Variants in C19orf47 observed in about 807,000 individuals in gnomAD.
C19orf47 encodes the protein uncharacterized protein C19orf47.
C19orf47 carries 18 observed loss-of-function variants against 32.3 expected under a neutral mutation model. The ratio of observed to expected loss-of-function variants is 0.56; its 90% CI spans 0.39 to 0.83. The LOEUF (loss-of-function observed/expected upper bound fraction) is 0.83. Among genes scored for constraint, C19orf47 ranks in the 40% least tolerant of loss-of-function variants. The pLI, the probability that C19orf47 is intolerant of heterozygous loss-of-function variation, is 0.00. For missense variants in C19orf47, 484 were observed against 531.6 expected, an observed-to-expected ratio of 0.91 and a Z score of 0.88; for synonymous variants, 202 against 211.1, an observed-to-expected ratio of 0.96 and a Z score of 0.37.
At chr19:40,348,053 A>C (rs2078357306) in intron 1 of C19orf47, among the ~76,000 whole-genome samples, 1 of 152,142 alleles carries the variant, frequency 6.6e-6, no homozygotes, top group Admixed American at 6.6e-5. Context: ...ATCAATACTA[A>C]TAATAATAGT....
intron 1 of C19orf47, among the ~76,000 whole-genome samples, chr19:40,347,374 C>CA (rs1248390249): frequency 2.0e-5 from 3 of 151,378 alleles, no homozygotes; most frequent in Non-Finnish European, 4.4e-5. Flanking sequence ...TACTAAAATA[C>CA]AAAAAAAATT....
chr19:40,342,656 G>A (rs1203014543), intron 1 of C19orf47, among the ~76,000 whole-genome samples: 2 of 152,184 alleles, frequency 1.3e-5, no homozygotes, highest in Non-Finnish European at 2.9e-5. Flanking sequence ...ACCTGGGAAG[G>A]GAGGGGTTGT....
At chr19:40,327,186 G>A (rs973399394) in intron 6 of C19orf47, among the ~76,000 whole-genome samples, 1 of 150,414 alleles carries the variant, frequency 6.6e-6, no homozygotes, top group Non-Finnish European at 1.5e-5. Flanking sequence ...GCTAATTTTT[G>A]TATTTTTGGT....
At chr19:40,296,196 A>G in the C19orf47 span, among the ~76,000 whole-genome samples, 2 of 152,264 alleles carry the variant, frequency 1.3e-5, no homozygotes, top group Non-Finnish European at 2.9e-5. Flanking sequence ...TACCTAGGCT[A>G]TAAGTTATAG....
chr19:40,335,317 T>C (rs2145581956), intron 4 of C19orf47, among the ~76,000 whole-genome samples: 1 of 152,338 alleles, frequency 6.6e-6, no homozygotes, highest in East Asian at 1.9e-4. Context: ...GGTTGCCATC[T>C]GGGTCCCACA....
chr19:40,305,699 CAT>C, the C19orf47 span, among the ~76,000 whole-genome samples: 1 of 152,082 alleles, frequency 6.6e-6, no homozygotes. Flanking sequence ...ATAAATGTAA[CAT>C]GTGATCCTGA....
At chr19:40,307,334 A>G in the C19orf47 span, among the ~76,000 whole-genome samples, 1 of 151,790 alleles carries the variant, frequency 6.6e-6, no homozygotes, top group African/African-American at 2.4e-5. Flanking sequence ...TTTTGAAGTG[A>G]TCCACCCACC....
downstream of C19orf47, among the ~76,000 whole-genome samples, chr19:40,316,953 T>C (rs1006721396): frequency 4.7e-5 from 6 of 127,104 alleles, no homozygotes; most frequent in African/African-American, 1.5e-4. Context: ...CTGCTGTGTG[T>C]GTGTGTGTGT....
the C19orf47 span, among the ~76,000 whole-genome samples, chr19:40,299,243 TA>T: frequency 6.6e-6 from 1 of 152,128 alleles, no homozygotes; most frequent in Non-Finnish European, 1.5e-5. Flanking sequence ...CAAAGCCTTT[TA>T]ATAATTACCC....
At chr19:40,294,828 C>G in the C19orf47 span, among the ~76,000 whole-genome samples, 1 of 152,228 alleles carries the variant, frequency 6.6e-6, no homozygotes, top group South Asian at 2.1e-4. Context: ...CGTGCCAGCT[C>G]TCAGGAGAGT....
downstream of C19orf47, among the ~76,000 whole-genome samples, chr19:40,316,726 C>T (rs953863530): frequency 6.6e-6 from 1 of 152,180 alleles, no homozygotes; most frequent in Non-Finnish European, 1.5e-5. Context: ...GCAACGGACT[C>T]ATCACCAGTA....
chr19:40,324,081 G>T lies in C19orf47; in HGVS notation c.593-5C>A. On this transcript the variant is annotated splice_region_variant and splice_polypyrimidine_tract_variant and intron_variant, in intron 7 of 8. Transcript: ENST00000683109. ...ACACAGACGTCCTATGGAGACCTGG[G>T]AGGGAAGTGAAGCCATCAGGGAGAG... 1 of 1,614,238 alleles carries T rather than the reference G, an allele frequency of 6.2e-7. No homozygotes were observed. Among genetic ancestry groups the T allele is most frequent in the African/African-American group, 1.3e-5 (1 of 75,074 alleles).
rs1600162645 is a variant in C19orf47 at position 40,321,806 on chromosome 19, T to G, written c.*76A>C. The stretch of plus-strand genomic sequence containing the variant: ...GTCATCCAGGAGCTGGTGGGAGGCG[T>G]GATGAAGCCAGGAGCCTGGGGCGGC... On this transcript the variant is annotated 3_prime_UTR_variant, in exon 9 of 9. Transcript: ENST00000683109. 6.2e-6 allele frequency: 9 copies of G among 1,450,586 alleles called. No individual in the cohort carries two copies. The highest frequency in any genetic ancestry group is 2.6e-4 in the Middle Eastern group (1 of 3,902). 89.9% of individuals were successfully genotyped at this position (1,450,586 alleles called of 1,614,324 possible).
At chr19:40,307,089 C>CTT in the C19orf47 span, among the ~76,000 whole-genome samples, 11 of 64,858 alleles carry the variant, frequency 1.7e-4, no homozygotes, top group African/African-American at 2.4e-4. Flanking sequence ...GCGCCCGGCC[C>CTT]TTTTTTTTTT....
intron 1 of C19orf47, among the ~76,000 whole-genome samples, chr19:40,346,661 G>T (rs1368233452): frequency 6.6e-6 from 1 of 150,902 alleles, no homozygotes; most frequent in Admixed American, 6.6e-5. Flanking sequence ...CAAGTAGCTG[G>T]GATTACAGGC....
intron 1 of C19orf47, among the ~76,000 whole-genome samples, chr19:40,346,033 G>A (rs1427976429): frequency 1.3e-5 from 2 of 151,250 alleles, no homozygotes; most frequent in East Asian, 1.9e-4. Context: ...GCAGGCACCT[G>A]TAATCCCAGC....
chr19:40,344,296 T>G (rs963426416), intron 1 of C19orf47, among the ~76,000 whole-genome samples: 38 of 151,044 alleles, frequency 2.5e-4, no homozygotes, highest in African/African-American at 8.5e-4. Flanking sequence ...CTGGCCAACA[T>G]GGTGAAACCC....
At chr19:40,301,313 TTTTATTTA>T in the C19orf47 span, among the ~76,000 whole-genome samples, 639 of 140,282 alleles carry the variant, frequency 4.6e-3, 6 homozygotes, top group African/African-American at 0.015. Context: ...CTTGAGAGGC[TTTTATTTA>T]TTTATTTATT....
chr19:40,306,368 G>A, the C19orf47 span, among the ~76,000 whole-genome samples: 102 of 151,942 alleles, frequency 6.7e-4, no homozygotes, highest in African/African-American at 2.3e-3. Flanking sequence ...GGCAAATCTG[G>A]GTAAAGAGTA....
Sources: gnomAD v4.1 joint callset for allele counts (sites outside exome capture counted in the v4.1 genomes callset) on GRCh38, gnomAD v4.1.1 for gene constraint, MANE v1.5 for transcripts, NCBI Gene and HGNC (gene_info 2026-07-23, HGNC 2026-07-21) for gene names.